The following SEMA3E variants were observed in gnomAD, a reference collection of about 807,000 sequenced individuals.
SEMA3E encodes the protein semaphorin 3E, also known as semaphorin-3E.
Under a neutral mutation model 93.6 loss-of-function variants are expected in SEMA3E, and 49 were observed. The ratio of observed to expected loss-of-function variants is 0.52; its 90% CI spans 0.42 to 0.66. The LOEUF is 0.66. SEMA3E is among the 30% of genes least tolerant of loss of function. The pLI is 0.00. For synonymous variants in SEMA3E, 363 were observed against 330.7 expected, an observed-to-expected ratio of 1.10 and a Z score of -1.06; for missense variants, 906 against 964.8, an observed-to-expected ratio of 0.94 and a Z score of 0.81.
At chr7:83,476,998 A>T (rs970845994) in intron 2 of SEMA3E, among the ~76,000 whole-genome samples, 1 of 152,204 alleles carries the variant, frequency 6.6e-6, no homozygotes, top group Admixed American at 6.5e-5. Flanking sequence ...TAAAGTATAA[A>T]TTAAATTACA....
chr7:83,415,003 T>C (rs1406525606), intron 5 of SEMA3E, among the ~76,000 whole-genome samples: 4 of 152,088 alleles, frequency 2.6e-5, no homozygotes, highest in Non-Finnish European at 5.9e-5. Context: ...GTATGTCAAA[T>C]ATAACTGATA....
intron 1 of SEMA3E, among the ~76,000 whole-genome samples, chr7:83,542,996 TA>T (rs1187911043): frequency 2.2e-5 from 2 of 92,768 alleles, no homozygotes; most frequent in Non-Finnish European, 4.8e-5. Flanking sequence ...ATGTACAGAC[TA>T]AAAAAAGTTT....
chr7:83,486,422 TA>T (rs982144042), intron 2 of SEMA3E, among the ~76,000 whole-genome samples: 3 of 151,908 alleles, frequency 2.0e-5, no homozygotes, highest in East Asian at 3.9e-4. Flanking sequence ...GGGAGAGATT[TA>T]AAAAAAATGT....
chr7:83,521,067 AGGACCTC>A (rs1291277143), intron 1 of SEMA3E, among the ~76,000 whole-genome samples: 1 of 151,608 alleles, frequency 6.6e-6, no homozygotes, highest in African/African-American at 2.4e-5. Flanking sequence ...CTGTTCGAGA[AGGACCTC>A]AACTTTTAAG....
At chr7:83,374,114 G>A (rs1320963873) in intron 16 of SEMA3E, among the ~76,000 whole-genome samples, 1 of 148,028 alleles carries the variant, frequency 6.8e-6, no homozygotes, top group African/African-American at 2.5e-5. Flanking sequence ...GCTGAGGCAA[G>A]AGATTTGCTT....
At chr7:83,499,930 C>T (rs553550860) in intron 1 of SEMA3E, among the ~76,000 whole-genome samples, 87 of 152,242 alleles carry the variant, frequency 5.7e-4, no homozygotes, top group African/African-American at 1.9e-3. Context: ...CAACAAAGTC[C>T]TATGCACTCC....
chr7:83,396,308 AT>A lies in SEMA3E; in HGVS notation c.1458+329del, dbSNP rs553897947. On this transcript the variant is annotated intron_variant, in intron 12 of 16. Transcript: ENST00000643230. ...CTCAATGTTCACAATATGAAAATGT[AT>A]TTTTTTTTGTCAGTATTGATAGTAC... Among the ~76,000 whole-genome samples the A allele has an allele frequency of 4.4e-3, 670 of 151,260 alleles. 5 individuals carry two copies. Among genetic ancestry groups the A allele is most frequent in the African/African-American group, 0.014 (563 of 41,294 alleles).
At chr7:83,403,241 A>G (rs1161097537) in intron 9 of SEMA3E, among the ~76,000 whole-genome samples, 1 of 151,990 alleles carries the variant, frequency 6.6e-6, no homozygotes, top group African/African-American at 2.4e-5. Context: ...TTCTTAATGT[A>G]TATGACTTAA....
At chr7:83,617,202 T>A (rs1346713257) in intron 1 of SEMA3E, among the ~76,000 whole-genome samples, 1 of 151,732 alleles carries the variant, frequency 6.6e-6, no homozygotes, top group Non-Finnish European at 1.5e-5. Context: ...GTCTTTTTAA[T>A]GTTTTATGTT....
intron 4 of SEMA3E, among the ~76,000 whole-genome samples, chr7:83,439,953 A>G (rs979371247): frequency 1.3e-5 from 2 of 152,236 alleles, no homozygotes; most frequent in Non-Finnish European, 2.9e-5. Flanking sequence ...AATGTAGAAT[A>G]AACACAGTAT....
chr7:83,583,768 C>T (rs1209199572), intron 1 of SEMA3E, among the ~76,000 whole-genome samples: 1 of 152,108 alleles, frequency 6.6e-6, no homozygotes, highest in African/African-American at 2.4e-5. Flanking sequence ...AAATTTCCCT[C>T]ATTATTAAAA....
At position 83,400,036 on chromosome 7, in the gene SEMA3E, A is replaced by G. The variant is rs1291275800; in HGVS notation, c.1358T>C (p.Ile453Thr). 1.2e-6 allele frequency: 2 copies of G among 1,611,482 alleles called. No homozygotes were observed. The highest frequency in any genetic ancestry group is 4.5e-5 in the East Asian group (2 of 44,862). Residue 453 changes from isoleucine to threonine, a missense_variant, in exon 11 of 17, where the codon ATT (isoleucine) becomes ACT (threonine). Coordinates refer to ENST00000643230, the MANE Select transcript of SEMA3E (RefSeq NM_012431.3). ...AEDGQYDVLFIGTDNGIVLKV... is the reference protein window; with the variant it reads ...AEDGQYDVLFTGTDNGIVLKV... ...CTTTCTCGTCTCTTTACCTGTCCCA[A>G]TAAACAAGACGTCATATTGGCCATC...
rs535008789 is a variant in SEMA3E at position 83,414,567 on chromosome 7, GA to G, written c.550+3822del. Among the ~76,000 whole-genome samples, 179 of 151,888 alleles carry G rather than the reference GA, an allele frequency of 1.2e-3. 3 individuals are homozygous for G. Among genetic ancestry groups the G allele is most frequent in the African/African-American group, 4.0e-3 (166 of 41,464 alleles). ...GTTTTATTTGCTGAAAAAAGTAATA[GA>G]AAAAAAGTGTAGGAAAAATTCATGG... On this transcript the variant is annotated intron_variant, in intron 5 of 16. Coordinates refer to ENST00000643230, the MANE Select transcript of SEMA3E (RefSeq NM_012431.3).
At chr7:83,416,294 C>T (rs1387198205) in intron 5 of SEMA3E, among the ~76,000 whole-genome samples, 1 of 152,044 alleles carries the variant, frequency 6.6e-6, no homozygotes, top group Non-Finnish European at 1.5e-5. Context: ...ATAAGCGAAA[C>T]AGCCACCCAG....
intron 1 of SEMA3E, among the ~76,000 whole-genome samples, chr7:83,615,935 A>C (rs1793358881): frequency 6.6e-6 from 1 of 151,972 alleles, no homozygotes; most frequent in South Asian, 2.1e-4. Context: ...TTTCATCAGG[A>C]GAGGTTTTAA....
intron 1 of SEMA3E, among the ~76,000 whole-genome samples, chr7:83,573,403 C>A (rs899172877): frequency 6.6e-6 from 1 of 151,814 alleles, no homozygotes; most frequent in East Asian, 1.9e-4. Flanking sequence ...TACCCTATGA[C>A]AAAGTGTATG....
chr7:83,648,411 C>G lies in SEMA3E; in HGVS notation c.115+17G>C. 2.2e-6 allele frequency: 3 copies of G among 1,371,932 alleles called. No individual in the cohort carries two copies. The highest frequency in any genetic ancestry group is 3.1e-6 in the Non-Finnish European group (3 of 973,154). The allele number at this position is 1,371,932 out of a possible 1,614,324, so 85.0% of individuals were successfully genotyped here. A position where few individuals can be genotyped will look rare whatever the true frequency, so the allele number is the denominator to read the frequency against. ...TTTTTTTTTTTTTAAACAAAAGGAT[C>G]TGGAAAGGTAACCTACCTTTATGTG... On this transcript the variant is annotated intron_variant, in intron 1 of 16. Transcript: ENST00000643230.
chr7:83,584,612 A>C (rs903807826), intron 1 of SEMA3E, among the ~76,000 whole-genome samples: 4 of 152,140 alleles, frequency 2.6e-5, no homozygotes, highest in South Asian at 2.1e-4. Context: ...GGCATATAAC[A>C]CAAAGCAAGC....
At chr7:83,527,361 G>A (rs1791183025) in intron 1 of SEMA3E, among the ~76,000 whole-genome samples, 1 of 152,076 alleles carries the variant, frequency 6.6e-6, no homozygotes, top group East Asian at 1.9e-4. Flanking sequence ...AACCACCAGT[G>A]ATCTTCTCCC....
Sources: allele counts gnomAD v4.1 joint callset (sites outside exome capture counted in the v4.1 genomes callset), GRCh38; gene constraint gnomAD v4.1.1; transcripts MANE v1.5; gene names NCBI Gene and HGNC (gene_info 2026-07-23, HGNC 2026-07-21).